The following SLC16A8 variants were observed in gnomAD, a reference collection of about 807,000 sequenced individuals.
SLC16A8 encodes the protein monocarboxylate transporter 3.
SLC16A8 carries 20 observed loss-of-function variants against 22.4 expected under a neutral mutation model. The observed-to-expected ratio is 0.89, with a 90% CI of 0.63 to 1.30. SLC16A8 has a LOEUF of 1.30. SLC16A8 is among the 50% of genes most tolerant of loss of function. The probability of loss-of-function intolerance (pLI) is 0.00; values close to 1 mark genes in which losing one functional copy is unlikely to be tolerated. For synonymous variants in SLC16A8, 393 were observed against 358.8 expected, an observed-to-expected ratio of 1.10 and a Z score of -1.08; for missense variants, 817 against 740.3, an observed-to-expected ratio of 1.10 and a Z score of -1.20.
Position 38,078,708 on chromosome 22 carries a change from G to GGGA in SLC16A8, c.1199-7_1199-5dup, listed in dbSNP as rs756065931. ...TTCAACACATCCACCAGGCGGCCTGGGGAGGAGGAGGAAGAGGAGGGAGAG... is the reference window on the plus strand; with the variant it reads ...TTCAACACATCCACCAGGCGGCCTGGGGAGGAGGAGGAGGAAGAGGAGGGAGAG... On this transcript the variant is annotated splice_polypyrimidine_tract_variant and splice_region_variant and intron_variant, in intron 5 of 5. Coordinates refer to ENST00000681075, the MANE Select transcript of SLC16A8 (RefSeq NM_013356.3). 2.1e-5 allele frequency: 33 copies of GGGA among 1,599,838 alleles called. No homozygotes were observed. Among genetic ancestry groups the GGGA allele is most frequent in the Middle Eastern group, 3.3e-4 (2 of 6,056 alleles).
chr22:38,083,044 CAA>C lies in SLC16A8; in HGVS notation c.-13_-12del, dbSNP rs1178600640. On this transcript the variant is annotated 5_prime_UTR_variant, in exon 2 of 6. Coordinates refer to ENST00000681075, the MANE Select transcript of SLC16A8 (RefSeq NM_013356.3). ...GGAAACGGAGGTAGGACTCTCACCC[CAA>C]GTCTCCTTCTCCTGCAAAGGGCGCT... The C allele has an allele frequency of 1.7e-6, 1 of 596,802 alleles. No homozygotes were observed. Among genetic ancestry groups the C allele is most frequent in the East Asian group, 2.8e-5 (1 of 36,002 alleles). 37.0% of individuals were successfully genotyped at this position (596,802 alleles called of 1,614,324 possible). A position where few individuals can be genotyped will look rare whatever the true frequency, so the allele number is the denominator to read the frequency against.
chr22:38,082,080 C>T (rs2085926912), intron 3 of SLC16A8, 48 bp from the exon 4 acceptor site: 2 of 1,529,612 alleles, frequency 1.3e-6, no homozygotes, highest in South Asian at 1.2e-5. Flanking sequence ...TGGCTTGAGT[C>T]CTCTAAGGAA....
intron 5 of SLC16A8, among the ~76,000 whole-genome samples, chr22:38,079,807 C>G (rs182838606): frequency 6.6e-6 from 1 of 152,346 alleles, no homozygotes; most frequent in African/African-American, 2.4e-5. Context: ...CATGCACCTC[C>G]TCTGCCCATC....
chr22:38,081,605 C>T lies in SLC16A8; in HGVS notation c.433G>A (p.Ala145Thr). 1 of 1,519,704 alleles carries T rather than the reference C, an allele frequency of 6.6e-7. No individual in the cohort carries two copies. 94.1% of individuals were successfully genotyped at this position (1,519,704 alleles called of 1,614,324 possible). Reference sequence around the variant, plus strand: ...CTGCCCGCCGCCGCCAGCCCGTTGGCCAGAGGCCGCCGCCGCTCGAAGTAC... The same window carrying T: ...CTGCCCGCCGCCGCCAGCCCGTTGGTCAGAGGCCGCCGCCGCTCGAAGTAC... The part of the protein sequence containing the change: ...GLYFERRRPL[A>T]NGLAAAGSPV... The change falls in exon 5 of 6, where the codon GCC becomes ACC. Residue 145 changes from alanine (A) to threonine (T), a missense_variant. By Grantham distance (58) the Ala-to-Thr change is moderately conservative. Coordinates refer to ENST00000681075, the MANE Select transcript of SLC16A8 (RefSeq NM_013356.3).
intron 1 of SLC16A8, among the ~76,000 whole-genome samples, chr22:38,083,614 G>A (rs2085954754): frequency 6.6e-6 from 1 of 152,240 alleles, no homozygotes; most frequent in Non-Finnish European, 1.5e-5. Flanking sequence ...TAGCAGCACT[G>A]AGAGAGTGGC....
At chr22:38,079,493 C>T (rs540680711) in intron 5 of SLC16A8, among the ~76,000 whole-genome samples, 1 of 152,312 alleles carries the variant, frequency 6.6e-6, no homozygotes, top group South Asian at 2.1e-4. Flanking sequence ...GCCATCTTGG[C>T]TCACTGCAAC....
intron 1 of SLC16A8, among the ~76,000 whole-genome samples, chr22:38,083,562 G>A (rs1220694406): frequency 6.6e-6 from 1 of 150,390 alleles, no homozygotes; most frequent in Non-Finnish European, 1.5e-5. Context: ...TCTTGCGGGA[G>A]AGGAGTCAGG....
At chr22:38,078,782 AGGGTGGTGC>A in intron 5 of SLC16A8, 78 bp from the exon 6 acceptor site, 3 of 1,344,660 alleles carry the variant, frequency 2.2e-6, no homozygotes, top group South Asian at 1.4e-5. Context: ...TCTCAGGTCA[AGGGTGGTGC>A]CACTGACTTG....
At position 38,078,363 on chromosome 22, in the gene SLC16A8, G is replaced by T. The variant is rs745790081; in HGVS notation, c.*25C>A. The T allele has an allele frequency of 1.5e-5, 24 of 1,567,640 alleles. No homozygotes were observed. In the South Asian group the frequency reaches 2.3e-4, roughly 15 times the overall value. On this transcript the variant is annotated 3_prime_UTR_variant, in exon 6 of 6. Transcript: ENST00000681075. ...AGAAGCTGTGTTCCCAAGTCACTGG[G>T]CCACCCCACCCAGAGCACCCTGAGT...
rs1407447104 is a variant in SLC16A8, at chr22:38,081,403, C to T, written c.635G>A (p.Arg212His). 8.8e-6 allele frequency: 12 copies of T among 1,358,730 alleles called. No homozygotes were observed. The highest frequency in any genetic ancestry group is 1.1e-5 in the Non-Finnish European group (12 of 1,061,210). The allele number at this position is 1,358,730 out of a possible 1,614,324, so 84.2% of individuals were successfully genotyped here. ...CGCCTCGCCCGGAGCGTCCCCGGCG[C>T]GGTCGCCGGCGCTGTCCCTGCGCGG... is the stretch of plus-strand genomic sequence containing the variant. ...PRPRRDSAGD[R>H]AGDAPGEAEA... Residue 212 changes from arginine to histidine, a missense_variant, in exon 5 of 6, where the codon CGC (arginine) becomes CAC (histidine). Arg to His is a conservative substitution (Grantham distance 29). Transcript: ENST00000681075.
chr22:38,079,567 G>A (rs1416037260), intron 5 of SLC16A8, among the ~76,000 whole-genome samples: 2 of 152,106 alleles, frequency 1.3e-5, no homozygotes, highest in Non-Finnish European at 1.5e-5. Flanking sequence ...AACCAGAGGT[G>A]CACGCCACCA....
chr22:38,083,833 G>C (rs983551527), intron 1 of SLC16A8, among the ~76,000 whole-genome samples, 155 bp downstream of exon 1: 1 of 139,538 alleles, frequency 7.2e-6, no homozygotes, highest in Admixed American at 7.2e-5. Context: ...CTGGCACTGG[G>C]CAGTGCCACC....
At chr22:38,082,290 A>AT (rs2085929936) in intron 3 of SLC16A8, among the ~76,000 whole-genome samples, 1 of 152,208 alleles carries the variant, frequency 6.6e-6, no homozygotes, top group Non-Finnish European at 1.5e-5. Flanking sequence ...CCGCCCTGGC[A>AT]CAGACTGGGA....
At position 38,082,853 on chromosome 22, in the gene SLC16A8, C is replaced by A. The variant is rs950090590; in HGVS notation, c.21G>T (p.Arg7=). The change falls in exon 3 of 6, where the codon CGG becomes CGT. Residue 7 remains arginine (R), a synonymous_variant. Transcript: ENST00000681075. The part of the protein sequence containing the change: MGAGGP[R]RGEGPPDGGW... ...CGCCGTCTGGGGGGCCCTCGCCCCG[C>A]CGGGGGCCGCCAGCGCCCATCGCTG... is the stretch of plus-strand genomic sequence containing the variant. 1 of 1,551,288 alleles carries A rather than the reference C, an allele frequency of 6.4e-7. No homozygotes were observed. The highest frequency in any genetic ancestry group is 8.7e-7 in the Non-Finnish European group (1 of 1,152,986).
chr22:38,078,224 C>T lies in SLC16A8; in HGVS notation c.*164G>A. 1 of 665,382 alleles carries T rather than the reference C, an allele frequency of 1.5e-6. No homozygotes were observed. Among genetic ancestry groups the T allele is most frequent in the Non-Finnish European group, 2.6e-6 (1 of 390,094 alleles). The allele number at this position is 665,382 out of a possible 1,614,324, so 41.2% of individuals were successfully genotyped here. A position where few individuals can be genotyped will look rare whatever the true frequency, so the allele number is the denominator to read the frequency against. The stretch of plus-strand genomic sequence containing the variant: ...GGGCAGGGCCTGGCGGAACTTGGGG[C>T]ACAGATGAGGGAGGCAGTTCCCAGA... On this transcript the variant is annotated 3_prime_UTR_variant, in exon 6 of 6. Coordinates refer to ENST00000681075, the MANE Select transcript of SLC16A8 (RefSeq NM_013356.3).
chr22:38,082,926 G>C, intron 2 of SLC16A8, 45 bp from the exon 3 acceptor site: 1 of 1,167,720 alleles, frequency 8.6e-7, no homozygotes, highest in Non-Finnish European at 1.2e-6. Flanking sequence ...TGGGCCAGCA[G>C]CCTAGAGAAG....
Position 38,078,548 on chromosome 22 carries a change from C to G in SLC16A8, c.1355G>C (p.Ser452Thr). The G allele has an allele frequency of 1.6e-5, 26 of 1,614,194 alleles. No individual in the cohort carries two copies. Among genetic ancestry groups the G allele is most frequent in the Non-Finnish European group, 2.2e-5 (26 of 1,180,038 alleles). ...PSGPGTEGGA[S>T]DTEDAEAEGD... ...TTCAGCCTCAGCGTCCTCAGTGTCACTGGCTCCGCCCTCAGTGCCTGGGCC... is the reference window on the plus strand; with the variant it reads ...TTCAGCCTCAGCGTCCTCAGTGTCAGTGGCTCCGCCCTCAGTGCCTGGGCC... Residue 452 changes from serine (S) to threonine (T), a missense_variant, in exon 6 of 6, where the codon AGT (serine) becomes ACT (threonine). Ser to Thr is a moderately conservative substitution (Grantham distance 58). Coordinates refer to ENST00000681075, the MANE Select transcript of SLC16A8 (RefSeq NM_013356.3).
chr22:38,078,309 C>T lies in SLC16A8; in HGVS notation c.*79G>A. 1 of 1,405,936 alleles carries T rather than the reference C, an allele frequency of 7.1e-7. No individual in the cohort carries two copies. Among genetic ancestry groups the T allele is most frequent in the Admixed American group, 2.0e-5 (1 of 51,000 alleles). The allele number at this position is 1,405,936 out of a possible 1,614,324, so 87.1% of individuals were successfully genotyped here. On this transcript the variant is annotated 3_prime_UTR_variant, in exon 6 of 6. Coordinates refer to ENST00000681075, the MANE Select transcript of SLC16A8 (RefSeq NM_013356.3). ...CCCGGGAGTGACCACCCCAGACCAG[C>T]CTCCCAGCGTACCAGGCTCTCTGAG...
At chr22:38,080,165 T>C (rs79751681) in intron 5 of SLC16A8, among the ~76,000 whole-genome samples, 5,729 of 152,200 alleles carry the variant, frequency 0.038, 241 homozygotes, top group East Asian at 0.19. Context: ...CTTTCCAATT[T>C]TGGTTCCTGC....
Sources: gnomAD v4.1 joint callset for allele counts (sites outside exome capture counted in the v4.1 genomes callset) on GRCh38, gnomAD v4.1.1 for gene constraint, MANE v1.5 for transcripts, NCBI Gene and HGNC (gene_info 2026-07-23, HGNC 2026-07-21) for gene names.